PRTG: variants seen among roughly 807,000 people sequenced by gnomAD.
PRTG encodes protogenin.
Under a neutral mutation model 122.5 loss-of-function variants are expected in PRTG, and 67 were observed. That is an observed-to-expected ratio of 0.55 (90% CI 0.45 to 0.67). The LOEUF is 0.67. PRTG is among the 30% of genes least tolerant of loss of function. PRTG has a pLI of 0.00. For missense variants in PRTG, 1,435 were observed against 1,415.4 expected (o/e 1.01, Z -0.22); for synonymous variants, 554 against 501.1 (o/e 1.11, Z -1.41).
At chr15:55,741,691 G>C (rs1209926435) in intron 1 of PRTG, among the ~76,000 whole-genome samples, 1 of 152,156 alleles carries the variant, frequency 6.6e-6, no homozygotes, top group African/African-American at 2.4e-5. Flanking sequence ...GTGGATCCTT[G>C]ATTACAAACC....
At chr15:55,637,370 A>G in intron 14 of PRTG, 30 bp from the exon 15 acceptor site, 1 of 1,521,148 alleles carries the variant, frequency 6.6e-7, no homozygotes, top group East Asian at 2.3e-5. Flanking sequence ...CATTGTATTA[A>G]TATAGTAAAA....
chr15:55,699,773 T>A (rs778072972), intron 2 of PRTG, among the ~76,000 whole-genome samples: 5 of 152,094 alleles, frequency 3.3e-5, no homozygotes, highest in Non-Finnish European at 7.4e-5. Flanking sequence ...CTTGGACAAA[T>A]CTAGAGCAGA....
At chr15:55,642,853 T>C (rs990229879) in intron 11 of PRTG, among the ~76,000 whole-genome samples, 3 of 152,064 alleles carry the variant, frequency 2.0e-5, no homozygotes, top group Admixed American at 6.6e-5. Context: ...CTTTGGGAAG[T>C]AGAGGACAGG....
chr15:55,688,120 G>C (rs916761840), intron 2 of PRTG, among the ~76,000 whole-genome samples: 2 of 152,238 alleles, frequency 1.3e-5, no homozygotes, highest in African/African-American at 4.8e-5. Flanking sequence ...CCGTCTAGCA[G>C]CTATCTGCTC....
chr15:55,669,475 G>A (rs1329995031), intron 11 of PRTG, among the ~76,000 whole-genome samples: 1 of 152,082 alleles, frequency 6.6e-6, no homozygotes, highest in Non-Finnish European at 1.5e-5. Flanking sequence ...GGTCACAGAT[G>A]GTCAGTTGTC....
At chr15:55,708,165 A>AAAAAAAAAAAAAAAAAC in intron 2 of PRTG, among the ~76,000 whole-genome samples, 1 of 97,150 alleles carries the variant, frequency 1.0e-5, no homozygotes, top group Non-Finnish European at 2.2e-5. Context: ...AAAAAAAAAA[A>AAAAAAAAAAAAAAAAAC]AAAAAAAAAA....
intron 11 of PRTG, among the ~76,000 whole-genome samples, chr15:55,665,830 C>T (rs2059436497): frequency 6.6e-6 from 1 of 152,132 alleles, no homozygotes; most frequent in African/African-American, 2.4e-5. Context: ...GCTGGGATTA[C>T]AGACATGAGA....
At chr15:55,624,274 T>G in intron 18 of PRTG, 68 bp downstream of exon 18, 1 of 1,429,642 alleles carries the variant, frequency 7.0e-7, no homozygotes, top group Non-Finnish European at 9.7e-7. Context: ...TTGGGGGAAG[T>G]ACATTTTACA....
chr15:55,622,980 C>T (rs2059175177), intron 18 of PRTG, among the ~76,000 whole-genome samples: 1 of 152,026 alleles, frequency 6.6e-6, no homozygotes, highest in African/African-American at 2.4e-5. Context: ...AGCAAATATT[C>T]ATTTATTCAT....
At chr15:55,647,455 G>A (rs1039884058) in intron 11 of PRTG, among the ~76,000 whole-genome samples, 1 of 152,190 alleles carries the variant, frequency 6.6e-6, no homozygotes. Context: ...GCTGATAAAT[G>A]AATATTCTAT....
intron 2 of PRTG, among the ~76,000 whole-genome samples, chr15:55,708,476 C>G (rs2030239832): frequency 6.6e-6 from 1 of 152,024 alleles, no homozygotes; most frequent in Non-Finnish European, 1.5e-5. Context: ...GGTGCAGTGG[C>G]AGGCACCTGT....
At chr15:55,638,767 T>A in intron 13 of PRTG, 91 bp from the exon 14 acceptor site, 2 of 1,148,788 alleles carry the variant, frequency 1.7e-6, no homozygotes, top group Non-Finnish European at 2.5e-6. Context: ...AAGGGCATAA[T>A]GTTATTTTTC....
intron 11 of PRTG, 144 bp from the exon 12 acceptor site, chr15:55,641,352 T>G: frequency 1.7e-6 from 1 of 604,454 alleles, no homozygotes; most frequent in South Asian, 2.1e-5. Flanking sequence ...GCTCATTGAC[T>G]CAGCAATCCA....
rs369174332 is a variant in PRTG, at chr15:55,682,355, G to A, written c.676+9C>T. The A allele has an allele frequency of 3.8e-6, 6 of 1,576,792 alleles. No individual in the cohort carries two copies. In the African/African-American group the frequency reaches 6.8e-5, roughly 18 times the overall value. On this transcript the variant is annotated intron_variant, in intron 4 of 19. Transcript: ENST00000389286. The stretch of plus-strand genomic sequence containing the variant: ...GTCATAAAAATGGAAAAACCACTCT[G>A]CGTGGTACCTGGAATCACAGTTAGC...
At chr15:55,623,103 TTC>T (rs1322891103) in intron 18 of PRTG, among the ~76,000 whole-genome samples, 1 of 152,232 alleles carries the variant, frequency 6.6e-6, no homozygotes, top group East Asian at 1.9e-4. Flanking sequence ...TTTGTTATAC[TTC>T]TGTTATTCTA....
At chr15:55,669,004 GTAC>G (rs1458564627) in intron 11 of PRTG, among the ~76,000 whole-genome samples, 3 of 151,946 alleles carry the variant, frequency 2.0e-5, no homozygotes, top group African/African-American at 4.8e-5. Context: ...TTTTTATGTA[GTAC>G]TACATCTCAG....
intron 17 of PRTG, among the ~76,000 whole-genome samples, chr15:55,626,459 A>G (rs1264131292): frequency 1.3e-5 from 2 of 150,294 alleles, no homozygotes; most frequent in African/African-American, 4.9e-5. Flanking sequence ...TGGCATTAGC[A>G]TTGGCTGGGA....
chr15:55,693,433 G>A (rs1325190080), intron 2 of PRTG, among the ~76,000 whole-genome samples: 1 of 151,480 alleles, frequency 6.6e-6, no homozygotes, highest in East Asian at 1.9e-4. Flanking sequence ...TCCAGCCTGG[G>A]CAACAAGAGT....
chr15:55,666,735 G>T (rs1024439112), intron 11 of PRTG, among the ~76,000 whole-genome samples: 14 of 152,218 alleles, frequency 9.2e-5, no homozygotes, highest in African/African-American at 3.4e-4. Flanking sequence ...TCTCCTGGGA[G>T]GATAACAATT....
Sources: gnomAD v4.1 joint callset for allele counts (sites outside exome capture counted in the v4.1 genomes callset) on GRCh38, gnomAD v4.1.1 for gene constraint, MANE v1.5 for transcripts, NCBI Gene and HGNC (gene_info 2026-07-23, HGNC 2026-07-21) for gene names.